LINGO2: variants seen among roughly 807,000 people sequenced by gnomAD.
LINGO2 encodes leucine rich repeat and Ig domain containing 2, also known as leucine-rich repeat and immunoglobulin-like domain-containing nogo receptor-interacting protein 2.
Under a neutral mutation model 30.6 loss-of-function variants are expected in LINGO2, and 14 were observed. That is an observed-to-expected ratio of 0.46 (90% CI 0.30 to 0.72). The LOEUF is 0.72. LINGO2 is among the 30% of genes least tolerant of loss of function. The probability of loss-of-function intolerance (pLI) is 0.07; values close to 1 mark genes in which losing one functional copy is unlikely to be tolerated. For synonymous variants in LINGO2, 317 were observed against 288.5 expected (o/e 1.10, Z -1.00); for missense variants, 729 against 751.7 (o/e 0.97, Z 0.35).
At chr9:29,001,545 C>T in the LINGO2 span, among the ~76,000 whole-genome samples, 1 of 151,942 alleles carries the variant, frequency 6.6e-6, no homozygotes, top group East Asian at 1.9e-4. Context: ...ACTTCACTTC[C>T]TTGCTACTTG....
At chr9:28,343,614 A>G (rs944892473) in intron 3 of LINGO2, among the ~76,000 whole-genome samples, 3 of 152,212 alleles carry the variant, frequency 2.0e-5, no homozygotes, top group African/African-American at 7.2e-5. Flanking sequence ...CAATGACTCA[A>G]TTAACATAAT....
chr9:28,769,136 T>C, the LINGO2 span, among the ~76,000 whole-genome samples: 1 of 151,894 alleles, frequency 6.6e-6, no homozygotes, highest in South Asian at 2.1e-4. Flanking sequence ...TTAAGGGTAT[T>C]CTATATCTGC....
chr9:27,959,231 A>G (rs1173455831), intron 5 of LINGO2, among the ~76,000 whole-genome samples: 1 of 143,708 alleles, frequency 7.0e-6, no homozygotes, highest in Non-Finnish European at 1.5e-5. Context: ...TTTTGCTTGT[A>G]TTGATTTTCT....
chr9:28,400,467 G>T (rs931281492), intron 2 of LINGO2, among the ~76,000 whole-genome samples: 2 of 152,182 alleles, frequency 1.3e-5, no homozygotes, highest in African/African-American at 4.8e-5. Context: ...AACCAGGGCT[G>T]CCTCTACCCA....
At chr9:28,360,372 C>T (rs892641764) in intron 3 of LINGO2, among the ~76,000 whole-genome samples, 7 of 152,168 alleles carry the variant, frequency 4.6e-5, no homozygotes, top group Admixed American at 1.3e-4. Flanking sequence ...GGAACCTATA[C>T]CTGCAAAGTA....
At chr9:28,665,426 A>G (rs12379391) in intron 1 of LINGO2, among the ~76,000 whole-genome samples, 58,060 of 151,898 alleles carry the variant, frequency 0.38, 12,339 homozygotes, top group African/African-American at 0.55. Flanking sequence ...TAAATCTATT[A>G]CATGATCCAA....
At chr9:28,225,488 A>G (rs1269600880) in intron 4 of LINGO2, among the ~76,000 whole-genome samples, 2 of 152,094 alleles carry the variant, frequency 1.3e-5, no homozygotes, top group African/African-American at 2.4e-5. Context: ...CTTCCTAAAC[A>G]TAATGTCAAT....
chr9:28,006,565 C>G (rs891017687), intron 5 of LINGO2, among the ~76,000 whole-genome samples: 4 of 152,088 alleles, frequency 2.6e-5, no homozygotes, highest in African/African-American at 9.7e-5. Context: ...ATTAGGAAAT[C>G]TAGGTTGGCC....
At chr9:28,128,589 T>C (rs1827301494) in intron 4 of LINGO2, among the ~76,000 whole-genome samples, 1 of 152,168 alleles carries the variant, frequency 6.6e-6, no homozygotes, top group Non-Finnish European at 1.5e-5. Flanking sequence ...GGGCTGCAGT[T>C]AAATTGAATT....
At chr9:28,816,815 A>C in the LINGO2 span, among the ~76,000 whole-genome samples, 1 of 152,216 alleles carries the variant, frequency 6.6e-6, no homozygotes, top group Non-Finnish European at 1.5e-5. Context: ...TTTTAAATGC[A>C]AGATGTTAAT....
At chr9:28,023,348 G>T (rs1429199005) in intron 4 of LINGO2, among the ~76,000 whole-genome samples, 1 of 152,142 alleles carries the variant, frequency 6.6e-6, no homozygotes, top group East Asian at 1.9e-4. Context: ...CTGTATTTGG[G>T]TACCCTAATA....
intron 2 of LINGO2, among the ~76,000 whole-genome samples, chr9:28,444,302 T>A (rs1824323699): frequency 6.6e-6 from 1 of 152,314 alleles, no homozygotes; most frequent in South Asian, 2.1e-4. Flanking sequence ...GCCCAGACTT[T>A]GGGGTTCCCA....
chr9:28,151,206 T>C (rs62556554), intron 4 of LINGO2, among the ~76,000 whole-genome samples: 11,750 of 152,162 alleles, frequency 0.077, 579 homozygotes, highest in African/African-American at 0.13. Context: ...CATTCTTGAA[T>C]AGCAAAGATG....
chr9:28,772,616 T>C, the LINGO2 span, among the ~76,000 whole-genome samples: 1 of 152,232 alleles, frequency 6.6e-6, no homozygotes, highest in Admixed American at 6.5e-5. Context: ...GCATACCTTA[T>C]TTCTTCTAGG....
the LINGO2 span, among the ~76,000 whole-genome samples, chr9:28,738,302 C>T: frequency 5.3e-5 from 8 of 151,890 alleles, no homozygotes; most frequent in Non-Finnish European, 1.0e-4. Context: ...CTCCACTTTT[C>T]TCCCTCTCTC....
chr9:28,146,562 CTT>C lies in LINGO2; in HGVS notation c.-86-134159_-86-134158del, dbSNP rs57672729. ...CAAAATTTACTTAAGTGGTAAAAAT[CTT>C]TTTTTTTTTAACTTCTTGCCTTTTA... On this transcript the variant is annotated intron_variant, in intron 4 of 5. Transcript: ENST00000379992. 9.6e-4 allele frequency among the ~76,000 whole-genome samples: 143 copies of C among 149,366 alleles called. 1 individual carries two copies. Among genetic ancestry groups the C allele is most frequent in the Admixed American group, 4.7e-3 (71 of 15,082 alleles).
At chr9:28,613,828 T>C (rs1276567826) in intron 1 of LINGO2, among the ~76,000 whole-genome samples, 2 of 152,172 alleles carry the variant, frequency 1.3e-5, no homozygotes, top group Non-Finnish European at 2.9e-5. Flanking sequence ...GACAAGAAGT[T>C]TATGGATGAG....
the LINGO2 span, among the ~76,000 whole-genome samples, chr9:28,903,198 T>C: frequency 3.6e-4 from 54 of 151,854 alleles, no homozygotes; most frequent in African/African-American, 1.2e-3. Flanking sequence ...ACATTATAAT[T>C]GTTACCATAG....
At chr9:28,888,543 G>T in the LINGO2 span, among the ~76,000 whole-genome samples, 3 of 151,954 alleles carry the variant, frequency 2.0e-5, no homozygotes, top group Non-Finnish European at 4.4e-5. Flanking sequence ...TTCCTTTCCT[G>T]CAAGGTCTAT....
Sources: allele counts gnomAD v4.1 joint callset (sites outside exome capture counted in the v4.1 genomes callset), GRCh38; gene constraint gnomAD v4.1.1; transcripts MANE v1.5; gene names NCBI Gene and HGNC (gene_info 2026-07-23, HGNC 2026-07-21).